GPM6B: variants seen among roughly 807,000 people sequenced by gnomAD.
GPM6B encodes glycoprotein M6B, also known as neuronal membrane glycoprotein M6-b.
GPM6B carries 4 observed loss-of-function variants against 27.2 expected under a neutral mutation model. That is an observed-to-expected ratio of 0.15 (90% CI 0.07 to 0.34). The LOEUF (loss-of-function observed/expected upper bound fraction) is 0.34. Ranked by LOEUF, GPM6B falls within the 10% of genes least tolerant of loss-of-function variation. The probability of loss-of-function intolerance (pLI) is 1.00; values close to 1 mark genes in which losing one functional copy is unlikely to be tolerated. For missense variants in GPM6B, 183 were observed against 261.9 expected (o/e 0.70, Z 2.08); for synonymous variants, 124 against 103.1 (o/e 1.20, Z -1.23).
intron 1 of GPM6B, among the ~76,000 whole-genome samples, chrX:13,839,383 C>A (rs1371281696): frequency 8.9e-6 from 1 of 111,852 alleles, no homozygotes; most frequent in Non-Finnish European, 1.9e-5. Context: ...TAAAATCAAG[C>A]TATTACCCAA....
At chrX:13,933,386 C>G (rs944530067) in intron 1 of GPM6B, among the ~76,000 whole-genome samples, 1 of 111,618 alleles carries the variant, frequency 9.0e-6, no homozygotes, top group African/African-American at 3.3e-5. Context: ...GGACCCCACC[C>G]ATTTACCCCA....
intron 2 of GPM6B, among the ~76,000 whole-genome samples, chrX:13,788,378 G>A (rs1282194595): frequency 9.1e-6 from 1 of 109,476 alleles, no homozygotes; most frequent in Non-Finnish European, 1.9e-5. Flanking sequence ...TGCAGAGCCA[G>A]TGGAAAGAGA....
Position 13,823,439 on chromosome X carries a change from CAG to C in GPM6B, c.-197-37633_-197-37632del, listed in dbSNP as rs2049333829. Among the ~76,000 whole-genome samples, 7 of 111,590 alleles carry C rather than the reference CAG, an allele frequency of 6.3e-5. No homozygotes were observed. In the South Asian group the frequency reaches 2.6e-3, roughly 42 times the overall value. ...TTAGGAGCCTCAGGAGCCACCAAAA[CAG>C]TGATTGCTGAGTTTGGCAAAAGCCA... On this transcript the variant is annotated intron_variant, in intron 1 of 6. Coordinates refer to the GPM6B transcript ENST00000398361.
At chrX:13,885,669 A>C (rs1326616027) in intron 1 of GPM6B, among the ~76,000 whole-genome samples, 4 of 111,210 alleles carry the variant, frequency 3.6e-5, no homozygotes, top group African/African-American at 9.8e-5. Flanking sequence ...GGTCTTTTGT[A>C]TGAACAACAA....
chrX:13,791,671 A>C (rs750006381), intron 2 of GPM6B, among the ~76,000 whole-genome samples: 1 of 112,010 alleles, frequency 8.9e-6, no homozygotes, highest in South Asian at 3.7e-4. Context: ...TTTTGTCTCC[A>C]GTATCCCTAG....
In GPM6B at chrX:13,880,170, G is replaced by A. The variant is rs1013171832; in HGVS notation, c.-198+58157C>T. Among the ~76,000 whole-genome samples the A allele has an allele frequency of 3.6e-5, 4 of 111,615 alleles. No individual in the cohort carries two copies. In the South Asian group the frequency reaches 1.1e-3, roughly 31 times the overall value. On this transcript the variant is annotated intron_variant, in intron 1 of 6. Transcript: ENST00000398361. Reference sequence around the variant, plus strand: ...GTCATAGTCTGAAATGGCAGGCCACGTTAGCGTAAAGGTCTCTCTACTCTC... The same window carrying A: ...GTCATAGTCTGAAATGGCAGGCCACATTAGCGTAAAGGTCTCTCTACTCTC...
intron 3 of GPM6B, chrX:13,783,850 G>T: frequency 2.8e-6 from 1 of 361,367 alleles, no homozygotes; most frequent in South Asian, 2.6e-5. Flanking sequence ...GAGGAGTTAA[G>T]CTCCTCATCG....
chrX:13,807,022 C>T (rs1267158077), intron 2 of GPM6B, among the ~76,000 whole-genome samples: 1 of 112,078 alleles, frequency 8.9e-6, no homozygotes, highest in Non-Finnish European at 1.9e-5. Flanking sequence ...TCGCACACCT[C>T]ACCCAGATCC....
intron 1 of GPM6B, among the ~76,000 whole-genome samples, chrX:13,923,653 A>T: frequency 8.9e-6 from 1 of 112,369 alleles, no homozygotes; most frequent in African/African-American, 3.2e-5. Flanking sequence ...CATGAATAAC[A>T]TCTCCAAACA....
At chrX:13,785,944 G>A (rs2048605075) in intron 2 of GPM6B, 136 bp from the exon 3 acceptor site, 1 of 492,980 alleles carries the variant, frequency 2.0e-6, no homozygotes, top group South Asian at 3.9e-5. Flanking sequence ...TTAATACTTC[G>A]ACATCCCAAG....
chrX:13,891,429 A>AAACAAC (rs764314306), intron 1 of GPM6B, among the ~76,000 whole-genome samples: 1 of 111,666 alleles, frequency 9.0e-6, no homozygotes, highest in South Asian at 3.7e-4. Flanking sequence ...AAAAAAAACC[A>AAACAAC]AACAACAACA....
In GPM6B at chrX:13,902,334, T is replaced by C. The variant is rs752484485; in HGVS notation, c.-198+35993A>G. On this transcript the variant is annotated intron_variant, in intron 1 of 6. Coordinates refer to the GPM6B transcript ENST00000398361. Reference sequence around the variant, plus strand: ...TTCCATAAATGTGGACTGGATTTTTTTTTTTTAGCATTTACGTTGATTATT... The same window carrying C: ...TTCCATAAATGTGGACTGGATTTTTCTTTTTTAGCATTTACGTTGATTATT... Among the ~76,000 whole-genome samples the C allele has an allele frequency of 3.6e-5, 4 of 111,552 alleles. No homozygotes were observed. In the East Asian group the frequency reaches 1.1e-3, roughly 31 times the overall value.
chrX:13,878,256 G>GT (rs377760826), intron 1 of GPM6B, among the ~76,000 whole-genome samples: 1,327 of 100,335 alleles, frequency 0.013, 19 homozygotes, highest in African/African-American at 0.036. Context: ...AGACAAGAAG[G>GT]TTTTTTTTTT....
chrX:13,902,455 G>A lies in GPM6B; in HGVS notation c.-198+35872C>T, dbSNP rs189608158. Among the ~76,000 whole-genome samples the A allele has an allele frequency of 1.2e-3, 136 of 110,557 alleles. 1 individual carries two copies. Among genetic ancestry groups the A allele is most frequent in the Non-Finnish European group, 1.6e-3 (85 of 52,876 alleles). Reference sequence around the variant, plus strand: ...GCTCATAAAATGCTTTCTCAACATCGCCTCATTTATTCTTCAGGGAGGGTA... The same window carrying A: ...GCTCATAAAATGCTTTCTCAACATCACCTCATTTATTCTTCAGGGAGGGTA... On this transcript the variant is annotated intron_variant, in intron 1 of 6. Coordinates refer to the GPM6B transcript ENST00000398361.
At chrX:13,935,650 C>T (rs1453331830) in intron 1 of GPM6B, among the ~76,000 whole-genome samples, 1 of 112,674 alleles carries the variant, frequency 8.9e-6, no homozygotes, top group Non-Finnish European at 1.9e-5. Flanking sequence ...ACATGGAATT[C>T]ACTTAATTGC....
intron 2 of GPM6B, among the ~76,000 whole-genome samples, chrX:13,790,864 AAC>A (rs2048699430): frequency 1.1e-5 from 1 of 93,932 alleles, no homozygotes; most frequent in South Asian, 6.2e-4. Flanking sequence ...CAGATTTCTA[AAC>A]ACACACACTC....
chrX:13,845,065 C>T (rs779681000), intron 1 of GPM6B, among the ~76,000 whole-genome samples: 13 of 107,162 alleles, frequency 1.2e-4, no homozygotes, highest in Middle Eastern at 4.8e-3. Context: ...TCTTGGCTCA[C>T]GGCAACCTCC....
chrX:13,858,181 A>C (rs1395797096), intron 1 of GPM6B, among the ~76,000 whole-genome samples: 1 of 112,042 alleles, frequency 8.9e-6, no homozygotes, highest in Non-Finnish European at 1.9e-5. Flanking sequence ...AAACAACAAC[A>C]AAAATCCTAC....
intron 1 of GPM6B, among the ~76,000 whole-genome samples, chrX:13,849,034 C>T (rs2147238798): frequency 8.9e-6 from 1 of 112,222 alleles, no homozygotes; most frequent in South Asian, 3.7e-4. Flanking sequence ...CATGGTTCCT[C>T]AAGGAACCTG....
Sources: gnomAD v4.1 joint callset for allele counts (sites outside exome capture counted in the v4.1 genomes callset) on GRCh38, gnomAD v4.1.1 for gene constraint, MANE v1.5 for transcripts, NCBI Gene and HGNC (gene_info 2026-07-23, HGNC 2026-07-21) for gene names.